RAVER1: variants seen among roughly 807,000 people sequenced by gnomAD.
The protein encoded by RAVER1 is ribonucleoprotein PTB-binding 1.
In RAVER1, 36 loss-of-function variants were observed where a neutral mutation model predicts 68.4. That is an observed-to-expected ratio of 0.53 (90% CI 0.40 to 0.70). RAVER1 has a LOEUF of 0.70. Ranked by LOEUF, RAVER1 falls within the 30% of genes least tolerant of loss-of-function variation. The pLI, the probability that RAVER1 is intolerant of heterozygous loss-of-function variation, is 0.00. For missense variants in RAVER1, 933 were observed against 1,019.8 expected (o/e 0.91, Z 1.16); for synonymous variants, 469 against 472.7 (o/e 0.99, Z 0.10).
At position 10,327,119 on chromosome 19, in the gene RAVER1, T is replaced by C. The variant is rs368328574; in HGVS notation, c.756+1523A>G. On this transcript the variant is annotated intron_variant, in intron 3 of 12. Coordinates refer to ENST00000617231, the MANE Select transcript of RAVER1 (RefSeq NM_133452.3). ...TGGTGTCCCACTATCTTGCCCAGGCTAGTCTTGAACTCCTGGTCTCGAGTG... is the reference window on the plus strand; with the variant it reads ...TGGTGTCCCACTATCTTGCCCAGGCCAGTCTTGAACTCCTGGTCTCGAGTG... Among the ~76,000 whole-genome samples the C allele has an allele frequency of 5.3e-5, 8 of 152,170 alleles. No individual in the cohort carries two copies. In the South Asian group the frequency reaches 8.3e-4, roughly 16 times the overall value.
chr19:10,332,176 T>G (rs1315605739), intron 1 of RAVER1, among the ~76,000 whole-genome samples: 2 of 152,044 alleles, frequency 1.3e-5, no homozygotes, highest in African/African-American at 4.8e-5. Context: ...TAAAAATTTT[T>G]TGTAGAGATG....
chr19:10,330,071 C>G (rs1228937382), intron 2 of RAVER1, among the ~76,000 whole-genome samples: 1 of 150,232 alleles, frequency 6.7e-6, no homozygotes, highest in African/African-American at 2.5e-5. Context: ...TGCAGCGAGC[C>G]GAGCTCGCGC....
intron 3 of RAVER1, among the ~76,000 whole-genome samples, chr19:10,326,301 A>C (rs2040474264): frequency 6.6e-6 from 1 of 152,214 alleles, no homozygotes; most frequent in Non-Finnish European, 1.5e-5. Flanking sequence ...CATTGTGCTA[A>C]CTCATCTTCT....
At position 10,323,365 on chromosome 19, in the gene RAVER1, A is replaced by G; in HGVS notation, c.948+10T>C. On this transcript the variant is annotated intron_variant, in intron 4 of 12. Transcript: ENST00000617231. This position sits in a 1 kb window ranked among gnomAD's most constrained non-coding sequence, Gnocchi z 6.2. ...TCCCCACCCCGCCACCTCTGCCCGC[A>G]CAGGCTCACCGTGGCCTGGGCAGCG... 6 of 1,605,574 alleles carry G rather than the reference A, an allele frequency of 3.7e-6. No individual in the cohort carries two copies. The highest frequency in any genetic ancestry group is 5.1e-6 in the Non-Finnish European group (6 of 1,176,030).
In RAVER1 at chr19:10,326,755, G is replaced by GTT. The variant is rs34915880; in HGVS notation, c.756+1885_756+1886dup. Among the ~76,000 whole-genome samples, 329 of 114,322 alleles carry GTT rather than the reference G, an allele frequency of 2.9e-3. 3 individuals carry two copies. The highest frequency in any genetic ancestry group is 5.2e-3 in the African/African-American group (152 of 29,090). The allele number at this position is 114,322 out of a possible 152,430, so 75.0% of individuals were successfully genotyped here. ...AAGCGTGAGCCACTGCGCCTGGCCT[G>GTT]TTTTTTTTTTTTTTTTTTTTTCTGT... On this transcript the variant is annotated intron_variant, in intron 3 of 12. Coordinates refer to ENST00000617231, the MANE Select transcript of RAVER1 (RefSeq NM_133452.3).
rs1293418970 is a variant in RAVER1 at position 10,318,163 on chromosome 19, G to A, written c.1989+66C>T. 17 of 1,424,308 alleles carry A rather than the reference G, an allele frequency of 1.2e-5. 1 individual carries two copies. The highest frequency in any genetic ancestry group is 4.9e-5 in the East Asian group (2 of 40,482). The allele number at this position is 1,424,308 out of a possible 1,614,324, so 88.2% of individuals were successfully genotyped here. On this transcript the variant is annotated intron_variant, in intron 11 of 12. Coordinates refer to ENST00000617231, the MANE Select transcript of RAVER1 (RefSeq NM_133452.3). The stretch of plus-strand genomic sequence containing the variant: ...TGGGCACCGAGGGTTACAGAGCCCC[G>A]GTGGCAGGCACCCCCAAATCCTAGC...
Position 10,317,370 on chromosome 19 carries a change from G to GT in RAVER1, c.*83dup. The GT allele has an allele frequency of 1.4e-6, 2 of 1,426,514 alleles. No individual in the cohort carries two copies. The allele number at this position is 1,426,514 out of a possible 1,614,324, so 88.4% of individuals were successfully genotyped here. A position where few individuals can be genotyped will look rare whatever the true frequency, so the allele number is the denominator to read the frequency against. On this transcript the variant is annotated 3_prime_UTR_variant, in exon 13 of 13. Coordinates refer to ENST00000617231, the MANE Select transcript of RAVER1 (RefSeq NM_133452.3). This position sits in a 1 kb window ranked among gnomAD's most constrained non-coding sequence, Gnocchi z 4.3. ...TTCTATTACCGAAAGAGAGAAAATG[G>GT]TTTAAAAAAAACACAAAACAAAACA...
At chr19:10,326,915 C>A (rs765916686) in intron 3 of RAVER1, among the ~76,000 whole-genome samples, 6 of 151,770 alleles carry the variant, frequency 4.0e-5, no homozygotes, top group African/African-American at 1.5e-4. Context: ...TACAGGCCTG[C>A]ACCACCACAC....
Position 10,317,182 on chromosome 19 carries a change from A to G in RAVER1, c.*272T>C. 1 of 497,466 alleles carries G rather than the reference A, an allele frequency of 2.0e-6. No individual in the cohort carries two copies. The allele number at this position is 497,466 out of a possible 1,614,324, so 30.8% of individuals were successfully genotyped here. On this transcript the variant is annotated 3_prime_UTR_variant, in exon 13 of 13. Transcript: ENST00000617231. This position sits in a 1 kb window ranked among gnomAD's most constrained non-coding sequence, Gnocchi z 4.3. ...AGAGACGGGCACAGCGGAGGAGGAGATGGGGGGAGGGAGGGAGAGCAGGCC... is the reference window on the plus strand; with the variant it reads ...AGAGACGGGCACAGCGGAGGAGGAGGTGGGGGGAGGGAGGGAGAGCAGGCC...
chr19:10,333,346 C>T lies in RAVER1; in HGVS notation c.162G>A (p.Gln54=), dbSNP rs1010437123. Residue 54 remains glutamine, a synonymous_variant, in exon 1 of 13, where the codon CAG becomes CAA. Coordinates refer to ENST00000617231, the MANE Select transcript of RAVER1 (RefSeq NM_133452.3). The surrounding 1 kb of genome is among the most constrained non-coding windows in gnomAD (Gnocchi z 4.2). Reference sequence around the variant, plus strand: ...TCAGTATCTTGCGGCGGTTACGGAACTGGCGCTCGGTGTGTTCCAGGCGTT... The same window carrying T: ...TCAGTATCTTGCGGCGGTTACGGAATTGGCGCTCGGTGTGTTCCAGGCGTT... The part of the protein sequence containing the change: ...IRKRLEHTER[Q]FRNRRKILIR... 3 of 1,613,914 alleles carry T rather than the reference C, an allele frequency of 1.9e-6. No homozygotes were observed. Among genetic ancestry groups the T allele is most frequent in the Admixed American group, 1.7e-5 (1 of 60,026 alleles).
At position 10,323,304 on chromosome 19, in the gene RAVER1, TGCCGCTGGG is replaced by T; in HGVS notation, c.949-39_949-31del. Reference sequence around the variant, plus strand: ...AGGAAGGAACAGAAGCAGCTCAGAGTGCCGCTGGGGCCCTGACATCCCCATGGGGCTCCC... The same window carrying T: ...AGGAAGGAACAGAAGCAGCTCAGAGTGCCCTGACATCCCCATGGGGCTCCC... On this transcript the variant is annotated intron_variant, in intron 4 of 12. Transcript: ENST00000617231. The surrounding 1 kb of genome is among the most constrained non-coding windows in gnomAD (Gnocchi z 6.2). 6.2e-7 allele frequency: 1 copy of T among 1,612,510 alleles called. No individual in the cohort carries two copies. Among genetic ancestry groups the T allele is most frequent in the Non-Finnish European group, 8.5e-7 (1 of 1,179,390 alleles).
Position 10,317,087 on chromosome 19 carries a change from G to A in RAVER1, c.*367C>T. 1 of 301,880 alleles carries A rather than the reference G, an allele frequency of 3.3e-6. No individual in the cohort carries two copies. Among genetic ancestry groups the A allele is most frequent in the Non-Finnish European group, 6.2e-6 (1 of 160,752 alleles). The allele number at this position is 301,880 out of a possible 1,614,324, so 18.7% of individuals were successfully genotyped here. A position where few individuals can be genotyped will look rare whatever the true frequency, so the allele number is the denominator to read the frequency against. ...GGAGACAGTCTCTGTATCTTCACGG[G>A]AGGTCAGGGAAACCTCCAAGGCACT... On this transcript the variant is annotated 3_prime_UTR_variant, in exon 13 of 13. Transcript: ENST00000617231. The surrounding 1 kb of genome is among the most constrained non-coding windows in gnomAD (Gnocchi z 4.3).
At chr19:10,332,045 A>C (rs1479367637) in intron 1 of RAVER1, among the ~76,000 whole-genome samples, 3 of 152,032 alleles carry the variant, frequency 2.0e-5, no homozygotes, top group Non-Finnish European at 4.4e-5. Context: ...CCTAGGCTAG[A>C]GTGTAGTAGC....
chr19:10,316,952 C>CGTGTAGAT lies in RAVER1; in HGVS notation c.*501_*502insATCTACAC. On this transcript the variant is annotated 3_prime_UTR_variant, in exon 13 of 13. Coordinates refer to ENST00000617231, the MANE Select transcript of RAVER1 (RefSeq NM_133452.3). ...CAAACCGCAAGGTGTGGAATGGTGGCCCGGACAGGCCGGGCCTTGAAGGAA... is the reference window on the plus strand; with the variant it reads ...CAAACCGCAAGGTGTGGAATGGTGGCGTGTAGATCCGGACAGGCCGGGCCTTGAAGGAA... 5.9e-6 allele frequency: 1 copy of CGTGTAGAT among 169,066 alleles called. No homozygotes were observed. The highest frequency in any genetic ancestry group is 1.3e-5 in the Non-Finnish European group (1 of 79,494). The allele number at this position is 169,066 out of a possible 1,614,324, so 10.5% of individuals were successfully genotyped here.
chr19:10,327,464 G>T (rs1290706526), intron 3 of RAVER1, among the ~76,000 whole-genome samples: 1 of 152,016 alleles, frequency 6.6e-6, no homozygotes, highest in Middle Eastern at 3.2e-3. Flanking sequence ...TATTGCCCAG[G>T]CTGGTCTCGA....
At chr19:10,324,655 G>A (rs190350126) in intron 3 of RAVER1, among the ~76,000 whole-genome samples, 12 of 152,262 alleles carry the variant, frequency 7.9e-5, no homozygotes, top group Admixed American at 3.3e-4. Context: ...CTGGATTACA[G>A]GCGTGAGCCA....
At position 10,317,638 on chromosome 19, in the gene RAVER1, G is replaced by A. The variant is rs2040401022; in HGVS notation, c.2074-38C>T. Reference sequence around the variant, plus strand: ...GGCAGGGCGGGGCGGGTCAGGGGCCGCTGGGGGGCCGGGGCTTCCCAGCCC... The same window carrying A: ...GGCAGGGCGGGGCGGGTCAGGGGCCACTGGGGGGCCGGGGCTTCCCAGCCC... On this transcript the variant is annotated intron_variant, in intron 12 of 12. Coordinates refer to ENST00000617231, the MANE Select transcript of RAVER1 (RefSeq NM_133452.3). This position sits in a 1 kb window ranked among gnomAD's most constrained non-coding sequence, Gnocchi z 4.3. 5.2e-6 allele frequency: 8 copies of A among 1,547,936 alleles called. No homozygotes were observed. The highest frequency in any genetic ancestry group is 3.5e-5 in the South Asian group (3 of 86,290).
At chr19:10,327,783 C>A (rs138311899) in intron 3 of RAVER1, among the ~76,000 whole-genome samples, 1 of 152,294 alleles carries the variant, frequency 6.6e-6, no homozygotes, top group Non-Finnish European at 1.5e-5. Flanking sequence ...GAGTCCACAG[C>A]GAGTGCTGGG....
At position 10,317,311 on chromosome 19, in the gene RAVER1, C is replaced by T. The variant is rs981860871; in HGVS notation, c.*143G>A. 1.8e-5 allele frequency: 16 copies of T among 908,872 alleles called. No homozygotes were observed. Among genetic ancestry groups the T allele is most frequent in the East Asian group, 5.1e-5 (2 of 38,896 alleles). The allele number at this position is 908,872 out of a possible 1,614,324, so 56.3% of individuals were successfully genotyped here. ...CACACCCCTTGGGCTCCTGGGGCTCCGGCTGATTGGTCAGTAAAGTCTTTC... is the reference window on the plus strand; with the variant it reads ...CACACCCCTTGGGCTCCTGGGGCTCTGGCTGATTGGTCAGTAAAGTCTTTC... On this transcript the variant is annotated 3_prime_UTR_variant, in exon 13 of 13. Transcript: ENST00000617231. The surrounding 1 kb of genome is among the most constrained non-coding windows in gnomAD (Gnocchi z 4.3).
Sources: allele counts gnomAD v4.1 joint callset (sites outside exome capture counted in the v4.1 genomes callset), GRCh38; gene constraint gnomAD v4.1.1; non-coding constraint Gnocchi (gnomAD v3.1); transcripts MANE v1.5; gene names NCBI Gene and HGNC (gene_info 2026-07-23, HGNC 2026-07-21).